Variants in NCK2 observed in about 807,000 individuals in gnomAD.
NCK2 encodes the protein NCK adaptor protein 2.
Under a neutral mutation model 33.9 loss-of-function variants are expected in NCK2, and 16 were observed. The ratio of observed to expected loss-of-function variants is 0.47; its 90% CI spans 0.32 to 0.72. The LOEUF (loss-of-function observed/expected upper bound fraction) is 0.72. Among genes scored for constraint, NCK2 ranks in the 30% least tolerant of loss-of-function variants. The pLI is 0.03. For missense variants in NCK2, 418 were observed against 537.3 expected (o/e 0.78, Z 2.19); for synonymous variants, 273 against 239.9 (o/e 1.14, Z -1.27).
Position 105,776,494 on chromosome 2 carries a change from T to A in NCK2, c.-201+31356T>A, listed in dbSNP as rs1428352103. The stretch of plus-strand genomic sequence containing the variant: ...GGGGGCTGCTTCCTGTGCCATGCCA[T>A]CTGCTAGCCTACCCACCCGTGGAGG... On this transcript the variant is annotated intron_variant, in intron 1 of 4. Transcript: ENST00000233154. Among the ~76,000 whole-genome samples the A allele has an allele frequency of 1.2e-4, 18 of 152,062 alleles. 1 individual carries two copies. Among genetic ancestry groups the A allele is most frequent in the Admixed American group, 1.2e-3 (18 of 15,274 alleles).
At chr2:105,745,824 C>T (rs1222262361) in intron 1 of NCK2, 2 of 152,230 alleles carry the variant, frequency 1.3e-5, no homozygotes, top group Non-Finnish European at 2.9e-5. Flanking sequence ...CTCACAATCG[C>T]TCGGCTCTCT....
rs540156690 is a variant in NCK2, at chr2:105,772,160, G to A, written c.-201+27022G>A. Reference sequence around the variant, plus strand: ...GAATGCTGTGTTAGCAGTTTCCACCGGTGTCTTCCCAACAGCCTCTCGGAG... The same window carrying A: ...GAATGCTGTGTTAGCAGTTTCCACCAGTGTCTTCCCAACAGCCTCTCGGAG... On this transcript the variant is annotated intron_variant, in intron 1 of 4. Coordinates refer to ENST00000233154, the MANE Select transcript of NCK2 (RefSeq NM_003581.5). 4.6e-5 allele frequency among the ~76,000 whole-genome samples: 7 copies of A among 151,256 alleles called. No homozygotes were observed. In the South Asian group the frequency reaches 1.3e-3, roughly 27 times the overall value.
intron 2 of NCK2, among the ~76,000 whole-genome samples, chr2:105,823,522 C>T (rs921092039): frequency 1.3e-5 from 2 of 151,784 alleles, no homozygotes; most frequent in African/African-American, 2.4e-5. Flanking sequence ...GTTCCTGGCT[C>T]CAGGATGTCA....
At chr2:105,805,924 G>A (rs1675016452) in intron 1 of NCK2, among the ~76,000 whole-genome samples, 1 of 152,088 alleles carries the variant, frequency 6.6e-6, no homozygotes, top group African/African-American at 2.4e-5. Context: ...GAGGTTTTGG[G>A]GATGGAGCCA....
intron 1 of NCK2, among the ~76,000 whole-genome samples, chr2:105,806,431 GT>G (rs1675044378): frequency 6.6e-6 from 1 of 151,928 alleles, no homozygotes; most frequent in African/African-American, 2.4e-5. Context: ...TAGAGACGGG[GT>G]TTCACCGTGT....
chr2:105,864,828 TACACACACAC>T (rs10524426), intron 3 of NCK2, among the ~76,000 whole-genome samples: 33,081 of 144,220 alleles, frequency 0.23, 4,444 homozygotes, highest in South Asian at 0.35. Context: ...CATGTGCATG[TACACACACAC>T]ACACACACAC....
At chr2:105,778,334 G>A (rs990643304) in intron 1 of NCK2, among the ~76,000 whole-genome samples, 2 of 152,208 alleles carry the variant, frequency 1.3e-5, no homozygotes, top group African/African-American at 4.8e-5. Flanking sequence ...TTCAGGATCT[G>A]TTCTGTGTTC....
intron 1 of NCK2, among the ~76,000 whole-genome samples, chr2:105,757,702 A>G (rs1689637532): frequency 6.6e-6 from 1 of 152,234 alleles, no homozygotes; most frequent in African/African-American, 2.4e-5. Context: ...TGTAATCTTA[A>G]TTAACAAGTA....
intron 1 of NCK2, among the ~76,000 whole-genome samples, chr2:105,748,199 C>T (rs1025417935): frequency 6.6e-6 from 1 of 152,146 alleles, no homozygotes; most frequent in African/African-American, 2.4e-5. Flanking sequence ...TCTGTGTTCC[C>T]TCTCAACTCC....
chr2:105,807,422 TA>T (rs1558846324), intron 1 of NCK2, among the ~76,000 whole-genome samples: 1 of 152,188 alleles, frequency 6.6e-6, no homozygotes, highest in Non-Finnish European at 1.5e-5. Flanking sequence ...TTTGTAGAAA[TA>T]AAAAGTGCAA....
intron 2 of NCK2, among the ~76,000 whole-genome samples, chr2:105,819,576 A>G (rs1281409088): frequency 2.0e-5 from 3 of 152,162 alleles, no homozygotes; most frequent in Non-Finnish European, 4.4e-5. Context: ...GCTGGTTGAG[A>G]AGGTGGTGAG....
chr2:105,879,960 G>T (rs571766966), intron 3 of NCK2, among the ~76,000 whole-genome samples: 1 of 152,310 alleles, frequency 6.6e-6, no homozygotes, highest in East Asian at 1.9e-4. Context: ...AGCTGTGGTG[G>T]GAGCACTCAT....
intron 1 of NCK2, among the ~76,000 whole-genome samples, chr2:105,755,374 A>G (rs1208663584): frequency 1.3e-5 from 2 of 151,262 alleles, no homozygotes; most frequent in Non-Finnish European, 2.9e-5. Context: ...GATCACCTAT[A>G]GATTAGGTGT....
chr2:105,764,559 G>A (rs1036592985), intron 1 of NCK2, among the ~76,000 whole-genome samples: 1 of 152,138 alleles, frequency 6.6e-6, no homozygotes, highest in South Asian at 2.1e-4. Flanking sequence ...TCCCAGGTGG[G>A]GTTTCAGCAG....
intron 2 of NCK2, among the ~76,000 whole-genome samples, chr2:105,835,589 T>A (rs972418239): frequency 1.3e-5 from 2 of 151,148 alleles, no homozygotes; most frequent in African/African-American, 4.9e-5. Context: ...TTTTGACAGT[T>A]GAACTGCAAT....
chr2:105,767,827 A>T (rs1026473720), intron 1 of NCK2, among the ~76,000 whole-genome samples: 1 of 152,206 alleles, frequency 6.6e-6, no homozygotes, highest in Non-Finnish European at 1.5e-5. Context: ...GATTGCTAGC[A>T]TGAAATTGTG....
intron 2 of NCK2, among the ~76,000 whole-genome samples, chr2:105,836,904 G>A (rs376115152): frequency 4.0e-4 from 61 of 152,198 alleles, no homozygotes; most frequent in African/African-American, 1.4e-3. Flanking sequence ...TCTTTCTAGA[G>A]TAAAACAACT....
At chr2:105,774,011 CTT>C (rs34519484) in intron 1 of NCK2, among the ~76,000 whole-genome samples, 6 of 142,584 alleles carry the variant, frequency 4.2e-5, no homozygotes, top group South Asian at 2.2e-4. Flanking sequence ...TTCCAGCTAT[CTT>C]TTTTTTTTTT....
At chr2:105,769,579 G>A (rs1469423527) in intron 1 of NCK2, among the ~76,000 whole-genome samples, 11 of 152,210 alleles carry the variant, frequency 7.2e-5, no homozygotes, top group Non-Finnish European at 4.4e-5. Flanking sequence ...ATGGCTGCAG[G>A]TTTTCTAAGA....
Sources: allele counts gnomAD v4.1 joint callset (sites outside exome capture counted in the v4.1 genomes callset), GRCh38; gene constraint gnomAD v4.1.1; transcripts MANE v1.5; gene names NCBI Gene and HGNC (gene_info 2026-07-23, HGNC 2026-07-21).